Variants in GLIS3 observed in about 807,000 individuals in gnomAD.
The protein encoded by GLIS3 is zinc finger protein GLIS3.
Under a neutral mutation model 78.6 loss-of-function variants are expected in GLIS3, and 53 were observed. The ratio of observed to expected loss-of-function variants is 0.67; its 90% CI spans 0.54 to 0.85. The LOEUF is 0.85. Among genes scored for constraint, GLIS3 ranks in the 40% least tolerant of loss-of-function variants. The pLI is 0.00. For missense variants in GLIS3, 1,703 were observed against 1,231.1 expected, an observed-to-expected ratio of 1.38 and a Z score of -5.74; for synonymous variants, 684 against 509.9, an observed-to-expected ratio of 1.34 and a Z score of -4.60.
chr9:4,224,739 C>G (rs1348388899), intron 2 of GLIS3, among the ~76,000 whole-genome samples: 1 of 139,482 alleles, frequency 7.2e-6, no homozygotes, highest in Non-Finnish European at 1.6e-5. Flanking sequence ...TTTTTTATTT[C>G]TATCTTTGAA....
At chr9:3,916,865 A>T (rs1222166455) in intron 6 of GLIS3, among the ~76,000 whole-genome samples, 1 of 152,194 alleles carries the variant, frequency 6.6e-6, no homozygotes, top group African/African-American at 2.4e-5. Flanking sequence ...ACAAATTTTT[A>T]AAAATCCTTT....
intron 2 of GLIS3, among the ~76,000 whole-genome samples, chr9:4,162,632 G>A (rs1347182215): frequency 2.6e-5 from 4 of 151,994 alleles, no homozygotes; most frequent in Non-Finnish European, 5.9e-5. Context: ...GGCCGAGGTG[G>A]GCAGATCACG....
intron 2 of GLIS3, among the ~76,000 whole-genome samples, chr9:4,264,537 G>C (rs558088931): frequency 1.3e-5 from 2 of 152,178 alleles, no homozygotes; most frequent in African/African-American, 4.8e-5. Context: ...CAGTCTATAA[G>C]AACCAAAATG....
At chr9:4,132,424 A>T (rs1833046219) in intron 2 of GLIS3, among the ~76,000 whole-genome samples, 1 of 152,238 alleles carries the variant, frequency 6.6e-6, no homozygotes, top group Admixed American at 6.5e-5. Context: ...ATTATGTCAC[A>T]ATTATCACTA....
At chr9:4,481,021 A>C in the GLIS3 span, among the ~76,000 whole-genome samples, 1 of 151,910 alleles carries the variant, frequency 6.6e-6, no homozygotes, top group African/African-American at 2.4e-5. Flanking sequence ...CACCTGGCTA[A>C]TTTTTTGTAT....
chr9:4,224,002 G>GA (rs990312227), intron 2 of GLIS3, among the ~76,000 whole-genome samples: 242 of 141,832 alleles, frequency 1.7e-3, no homozygotes, highest in Middle Eastern at 7.1e-3. Flanking sequence ...AAAAGATCCA[G>GA]AAAAAAAAAA....
the GLIS3 span, among the ~76,000 whole-genome samples, chr9:4,371,407 C>T: frequency 6.6e-6 from 1 of 152,240 alleles, no homozygotes; most frequent in Non-Finnish European, 1.5e-5. Flanking sequence ...TCCTCCTCCC[C>T]ATAAGTGCTA....
Position 4,040,482 on chromosome 9 carries a change from T to C in GLIS3, c.1710+77286A>G, listed in dbSNP as rs189928857. Reference sequence around the variant, plus strand: ...TAGAAAAGGAAGACATCCCCGCTGATAGTATATCACAAATAAGGACAATCT... The same window carrying C: ...TAGAAAAGGAAGACATCCCCGCTGACAGTATATCACAAATAAGGACAATCT... On this transcript the variant is annotated intron_variant, in intron 4 of 10. Coordinates refer to ENST00000381971, the MANE Select transcript of GLIS3 (RefSeq NM_001042413.2). Among the ~76,000 whole-genome samples, 62 of 152,286 alleles carry C rather than the reference T, an allele frequency of 4.1e-4. 2 individuals are homozygous for C. Among genetic ancestry groups the C allele is most frequent in the African/African-American group, 1.3e-3 (54 of 41,546 alleles).
rs1490935310 is a variant in GLIS3 at position 4,286,447 on chromosome 9, A to C, written c.-22T>G. ...TCATTCTGAAAAACCTGTGGCCAAGACGGTCAAATATCCAATGTCACTAAT... is the reference window on the plus strand; with the variant it reads ...TCATTCTGAAAAACCTGTGGCCAAGCCGGTCAAATATCCAATGTCACTAAT... On this transcript the variant is annotated 5_prime_UTR_variant, in exon 2 of 11. Coordinates refer to ENST00000381971, the MANE Select transcript of GLIS3 (RefSeq NM_001042413.2). 2 of 1,612,966 alleles carry C rather than the reference A, an allele frequency of 1.2e-6. No individual in the cohort carries two copies. Among genetic ancestry groups the C allele is most frequent in the Non-Finnish European group, 1.7e-6 (2 of 1,180,012 alleles).
At chr9:4,350,661 C>G (rs986566009), upstream of GLIS3, among the ~76,000 whole-genome samples, 13 of 152,202 alleles carry the variant, frequency 8.5e-5, no homozygotes, top group African/African-American at 3.1e-4. Context: ...AAAGACCCCA[C>G]CTTTGGTATT....
At chr9:3,863,395 C>T (rs1056675169) in intron 8 of GLIS3, among the ~76,000 whole-genome samples, 13 of 152,168 alleles carry the variant, frequency 8.5e-5, no homozygotes, top group Non-Finnish European at 1.6e-4. Context: ...AAGAAACAGC[C>T]GCTGGGAAGT....
intron 2 of GLIS3, among the ~76,000 whole-genome samples, chr9:4,254,276 G>C (rs1378931928): frequency 6.6e-6 from 1 of 152,172 alleles, no homozygotes; most frequent in African/African-American, 2.4e-5. Flanking sequence ...GTCCATTCAT[G>C]ATATCAACAA....
intron 4 of GLIS3, among the ~76,000 whole-genome samples, chr9:4,076,638 C>T (rs910970353): frequency 2.0e-5 from 3 of 152,216 alleles, no homozygotes; most frequent in Non-Finnish European, 2.9e-5. Flanking sequence ...CTGTAGTACA[C>T]ATCCTCCAGT....
intron 4 of GLIS3, among the ~76,000 whole-genome samples, chr9:4,017,316 A>G (rs1192652708): frequency 6.6e-6 from 1 of 152,202 alleles, no homozygotes; most frequent in East Asian, 1.9e-4. Context: ...TGCAGCAGGA[A>G]TAGCAAGCAG....
chr9:4,407,465 G>A, the GLIS3 span, among the ~76,000 whole-genome samples: 18 of 152,170 alleles, frequency 1.2e-4, no homozygotes, highest in African/African-American at 4.3e-4. Flanking sequence ...CTAACACTGT[G>A]AAACCCCGTC....
At chr9:4,185,952 C>T (rs2131192931) in intron 2 of GLIS3, among the ~76,000 whole-genome samples, 1 of 152,004 alleles carries the variant, frequency 6.6e-6, no homozygotes, top group East Asian at 1.9e-4. Context: ...ACATATCTGG[C>T]GCAGTGTGTC....
At chr9:3,835,530 T>C (rs569695577) in intron 9 of GLIS3, among the ~76,000 whole-genome samples, 14 of 152,346 alleles carry the variant, frequency 9.2e-5, no homozygotes, top group African/African-American at 3.4e-4. Flanking sequence ...TGCTATAGTT[T>C]TTCAGCCACT....
chr9:4,489,699 G>A, the GLIS3 span, among the ~76,000 whole-genome samples: 1 of 152,182 alleles, frequency 6.6e-6, no homozygotes, highest in Non-Finnish European at 1.5e-5. Context: ...TCTCCCCAGA[G>A]CGGCTCCCGG....
At chr9:4,158,438 T>A (rs1835206552) in intron 2 of GLIS3, among the ~76,000 whole-genome samples, 1 of 152,110 alleles carries the variant, frequency 6.6e-6, no homozygotes, top group African/African-American at 2.4e-5. Flanking sequence ...GCAGGAAGGG[T>A]CGAGATTAAG....
Sources: gnomAD v4.1 joint callset for allele counts (sites outside exome capture counted in the v4.1 genomes callset) on GRCh38, gnomAD v4.1.1 for gene constraint, MANE v1.5 for transcripts, NCBI Gene and HGNC (gene_info 2026-07-23, HGNC 2026-07-21) for gene names.